Variants in RBM44 observed in about 807,000 individuals in gnomAD.
RBM44 encodes RNA binding motif protein 44.
In RBM44, 66 loss-of-function variants were observed where a neutral mutation model predicts 105.1. The ratio of observed to expected loss-of-function variants is 0.63; its 90% CI spans 0.52 to 0.77. The LOEUF (loss-of-function observed/expected upper bound fraction) is 0.77, where lower values mean the gene tolerates loss of function less well. RBM44 is among the 30% of genes least tolerant of loss of function. The pLI is 0.00. For missense variants in RBM44, 1,122 were observed against 1,207.8 expected (o/e 0.93, Z 1.05); for synonymous variants, 365 against 417.6 (o/e 0.87, Z 1.54).
Position 237,842,760 on chromosome 2 carries a change from G to A in RBM44, c.*944G>A, listed in dbSNP as rs912559594. The stretch of plus-strand genomic sequence containing the variant: ...CTTGACTAAAAATTAGCCCTTTAAC[G>A]TTTATATTTGTTGTATTTATATTTA... On this transcript the variant is annotated 3_prime_UTR_variant, in exon 16 of 16. Coordinates refer to ENST00000316997, the MANE Select transcript of RBM44 (RefSeq NM_001080504.3). 5.3e-5 allele frequency: 8 copies of A among 151,862 alleles called. No homozygotes were observed. The highest frequency in any genetic ancestry group is 9.7e-5 in the African/African-American group (4 of 41,378). The allele number at this position is 151,862 out of a possible 1,614,324, so 9.4% of individuals were successfully genotyped here. A position where few individuals can be genotyped will look rare whatever the true frequency, so the allele number is the denominator to read the frequency against.
In RBM44 at chr2:237,818,004, C is replaced by T. The variant is rs201162171; in HGVS notation, c.1085C>T (p.Pro362Leu). Reference sequence around the variant, plus strand: ...CACCTTGAAAATCCTAGCACATTACCACAGGATAAAGCTTTAGAGACATTA... The same window carrying T: ...CACCTTGAAAATCCTAGCACATTACTACAGGATAAAGCTTTAGAGACATTA... Reference protein sequence around the residue: ...LLHLENPSTLPQDKALETLLQ... With the variant: ...LLHLENPSTLLQDKALETLLQ... Residue 362 changes from proline (P) to leucine (L), a missense_variant, in exon 3 of 16, where the codon CCA becomes CTA. By Grantham distance (98) the Pro-to-Leu change is moderately conservative (BLOSUM62 -3). Transcript: ENST00000316997. This position sits in a 1 kb window ranked among gnomAD's most constrained non-coding sequence, Gnocchi z 4.6. 8 of 1,612,694 alleles carry T rather than the reference C, an allele frequency of 5.0e-6. No homozygotes were observed. The highest frequency in any genetic ancestry group is 6.8e-6 in the Non-Finnish European group (8 of 1,179,184).
At chr2:237,825,740 GT>G (rs1398805064) in intron 10 of RBM44, among the ~76,000 whole-genome samples, 2 of 152,162 alleles carry the variant, frequency 1.3e-5, no homozygotes, top group Admixed American at 1.3e-4. Flanking sequence ...GTAGTGAAAG[GT>G]GAGGTGATGG....
chr2:237,811,693 A>T (rs1421910707), intron 1 of RBM44, among the ~76,000 whole-genome samples: 1 of 151,848 alleles, frequency 6.6e-6, no homozygotes, highest in Non-Finnish European at 1.5e-5. Context: ...AAAAAAAAAA[A>T]CTTTTCCTAG....
intron 1 of RBM44, among the ~76,000 whole-genome samples, chr2:237,800,735 T>G (rs543534293): frequency 1.1e-4 from 17 of 151,840 alleles, no homozygotes; most frequent in African/African-American, 4.1e-4. Flanking sequence ...TCCTTTTTTT[T>G]TTTTTTTTGA....
At position 237,818,183 on chromosome 2, in the gene RBM44, C is replaced by A; in HGVS notation, c.1264C>A (p.Gln422Lys). 6.2e-7 allele frequency: 1 copy of A among 1,613,096 alleles called. No individual in the cohort carries two copies. Among genetic ancestry groups the A allele is most frequent in the South Asian group, 1.1e-5 (1 of 91,038 alleles). Residue 422 changes from glutamine (Q) to lysine (K), a missense_variant, in exon 3 of 16, where the codon CAG becomes AAG. By Grantham distance (53) the Gln-to-Lys change is moderately conservative (BLOSUM62 1). Around this residue, in one of 3 missense-constraint regions of RBM44, gnomAD observed 918 missense variants for 955.3 expected, o/e 0.96. Coordinates refer to ENST00000316997, the MANE Select transcript of RBM44 (RefSeq NM_001080504.3). This position sits in a 1 kb window ranked among gnomAD's most constrained non-coding sequence, Gnocchi z 4.6. ...MLPKIAVRDN[Q>K]AIEDNTSLKV... Reference sequence around the variant, plus strand: ...ACCAAAGATCGCAGTCAGAGATAATCAGGCAATAGAAGATAATACGTCCCT... The same window carrying A: ...ACCAAAGATCGCAGTCAGAGATAATAAGGCAATAGAAGATAATACGTCCCT...
At chr2:237,829,125 G>A in intron 12 of RBM44, 92 bp from the exon 13 acceptor site, 1 of 890,866 alleles carries the variant, frequency 1.1e-6, no homozygotes, top group Non-Finnish European at 1.7e-6. Context: ...TTACTCTTGT[G>A]AAAAACGTAT....
At chr2:237,837,711 T>G (rs533874040) in intron 15 of RBM44, among the ~76,000 whole-genome samples, 50 of 143,996 alleles carry the variant, frequency 3.5e-4, no homozygotes, top group African/African-American at 1.2e-3. Context: ...GATCTTGTTA[T>G]TTTTCCCAGG....
At chr2:237,806,131 A>C (rs1418461752) in intron 1 of RBM44, among the ~76,000 whole-genome samples, 1 of 152,302 alleles carries the variant, frequency 6.6e-6, no homozygotes, top group East Asian at 1.9e-4. Flanking sequence ...AAGTTTGTCC[A>C]CCTGAGTTGT....
chr2:237,832,650 T>C (rs2061915205), intron 13 of RBM44, among the ~76,000 whole-genome samples: 1 of 152,208 alleles, frequency 6.6e-6, no homozygotes, highest in Non-Finnish European at 1.5e-5. Context: ...CCATCTTTGT[T>C]AAACTATACT....
chr2:237,823,478 C>T lies in RBM44; in HGVS notation c.2244C>T (p.Asn748=), dbSNP rs888019514. The change falls in exon 9 of 16, where the codon AAC becomes AAT. Residue 748 remains asparagine (N), a synonymous_variant. Transcript: ENST00000316997. ...CTGACAATAGTCATGCTACACAAAA[C>T]ATATCACCCAAGAAAGATGACTTTA... The part of the protein sequence containing the change: ...LSSDNSHATQ[N]ISPKKDDFKN... The T allele has an allele frequency of 2.9e-5, 45 of 1,537,316 alleles. No homozygotes were observed. Among genetic ancestry groups the T allele is most frequent in the Non-Finnish European group, 3.9e-5 (44 of 1,133,142 alleles).
Position 237,818,328 on chromosome 2 carries a change from T to C in RBM44, c.1409T>C (p.Val470Ala). ...CTVTINQTVD[V>A]STDFRACFTT... Reference sequence around the variant, plus strand: ...GTCACAATTAATCAGACAGTGGACGTTAGCACTGATTTTAGGGCTTGTTTC... The same window carrying C: ...GTCACAATTAATCAGACAGTGGACGCTAGCACTGATTTTAGGGCTTGTTTC... Residue 470 changes from valine to alanine, a missense_variant, in exon 3 of 16, where the codon GTT becomes GCT. Physicochemically the swap from Val to Ala is moderately conservative, Grantham distance 64. Coordinates refer to ENST00000316997, the MANE Select transcript of RBM44 (RefSeq NM_001080504.3). This position sits in a 1 kb window ranked among gnomAD's most constrained non-coding sequence, Gnocchi z 4.6. The C allele has an allele frequency of 3.1e-6, 5 of 1,613,338 alleles. No individual in the cohort carries two copies. Among genetic ancestry groups the C allele is most frequent in the Non-Finnish European group, 4.2e-6 (5 of 1,179,562 alleles).
intron 15 of RBM44, among the ~76,000 whole-genome samples, chr2:237,840,964 G>A (rs563500111): frequency 6.6e-6 from 1 of 152,330 alleles, no homozygotes; most frequent in East Asian, 1.9e-4. Context: ...CCTATGCACT[G>A]TTGGTGGGAA....
Position 237,818,908 on chromosome 2 carries a change from T to C in RBM44, c.1685T>C (p.Leu562Pro). 2 of 1,462,258 alleles carry C rather than the reference T, an allele frequency of 1.4e-6. No homozygotes were observed. Among genetic ancestry groups the C allele is most frequent in the Non-Finnish European group, 1.9e-6 (2 of 1,074,296 alleles). The allele number at this position is 1,462,258 out of a possible 1,614,324, so 90.6% of individuals were successfully genotyped here. Residue 562 changes from leucine (L) to proline (P), a missense_variant, in exon 4 of 16, where the codon CTG becomes CCG. This residue lies in a region of RBM44 where 918 missense variants were observed against 955.3 expected (regional missense o/e 0.96). Coordinates refer to ENST00000316997, the MANE Select transcript of RBM44 (RefSeq NM_001080504.3). This position sits in a 1 kb window ranked among gnomAD's most constrained non-coding sequence, Gnocchi z 4.6. ...TTTAAATCATATTTTCAGGATTTCC[T>C]GGAATTAAGAAAAGCATGTGGTATC... ...PNGNFLNKDF[L>P]ELRKACGITD...
At chr2:237,807,465 T>A (rs1260869270) in intron 1 of RBM44, among the ~76,000 whole-genome samples, 2 of 152,204 alleles carry the variant, frequency 1.3e-5, no homozygotes, top group Non-Finnish European at 2.9e-5. Flanking sequence ...AAATATTTTT[T>A]AAAATCTTCT....
intron 13 of RBM44, among the ~76,000 whole-genome samples, chr2:237,831,824 C>G (rs936660107): frequency 6.6e-6 from 1 of 152,018 alleles, no homozygotes; most frequent in Admixed American, 6.6e-5. Flanking sequence ...TCTCAGTGAC[C>G]CTTCATGTGT....
chr2:237,800,608 G>A (rs1056237917), intron 1 of RBM44, among the ~76,000 whole-genome samples: 5 of 151,916 alleles, frequency 3.3e-5, no homozygotes, highest in Non-Finnish European at 5.9e-5. Context: ...CTTAAGTAAC[G>A]AATGTATTTT....
chr2:237,820,279 A>G lies in RBM44; in HGVS notation c.1841A>G (p.His614Arg). 1 of 1,604,562 alleles carries G rather than the reference A, an allele frequency of 6.2e-7. No individual in the cohort carries two copies. Among genetic ancestry groups the G allele is most frequent in the South Asian group, 1.1e-5 (1 of 89,554 alleles). ...GCAGAGCTGCACCTTTTAAATGTTC[A>G]CTATCAGATGTGTCGTCGCCATTGT... is the stretch of plus-strand genomic sequence containing the variant. ...IKAELHLLNV[H>R]YQMCRRHCCD... is the part of the protein sequence containing the mutation. Residue 614 changes from histidine (H) to arginine (R), a missense_variant, in exon 5 of 16, where the codon CAC (histidine) becomes CGC (arginine). By Grantham distance (29) the His-to-Arg change is conservative. This residue lies in a region of RBM44 where 918 missense variants were observed against 955.3 expected (regional missense o/e 0.96). Coordinates refer to ENST00000316997, the MANE Select transcript of RBM44 (RefSeq NM_001080504.3).
rs745899323 is a variant in RBM44 at position 237,817,724 on chromosome 2, A to T, written c.805A>T (p.Met269Leu). The T allele has an allele frequency of 6.2e-7, 1 of 1,612,532 alleles. No homozygotes were observed. Among genetic ancestry groups the T allele is most frequent in the East Asian group, 2.2e-5 (1 of 44,810 alleles). The change falls in exon 3 of 16, where the codon ATG (methionine) becomes TTG (leucine). Residue 269 changes from methionine to leucine, a missense_variant. Met to Leu is a conservative substitution (Grantham distance 15). This residue lies in a region of RBM44 where 918 missense variants were observed against 955.3 expected (regional missense o/e 0.96). Transcript: ENST00000316997. ...TGTCTCCAAATTTCAGAATTCTGTT[A>T]TGTTAAGAGAATATCATGACCTAAA... The part of the protein sequence containing the change: ...LHVSKFQNSV[M>L]LREYHDLKHE...
In RBM44 at chr2:237,803,525, A is replaced by G. The variant is rs1340761746; in HGVS notation, c.-19+4664A>G. On this transcript the variant is annotated intron_variant, in intron 1 of 15. Coordinates refer to ENST00000316997, the MANE Select transcript of RBM44 (RefSeq NM_001080504.3). This position sits in a 1 kb window ranked among gnomAD's most constrained non-coding sequence, Gnocchi z 4.2. ...ACAAGTTATTTATGTAATCTGAATA[A>G]GCGTCTCCTTTTGGATATATGGATT... 6.6e-6 allele frequency among the ~76,000 whole-genome samples: 1 copy of G among 152,228 alleles called. No homozygotes were observed. The highest frequency in any genetic ancestry group is 1.5e-5 in the Non-Finnish European group (1 of 68,052).
Sources: allele counts gnomAD v4.1 joint callset (sites outside exome capture counted in the v4.1 genomes callset), GRCh38; gene constraint gnomAD v4.1.1; regional missense constraint gnomAD v4.1.1; non-coding constraint Gnocchi (gnomAD v3.1); transcripts MANE v1.5; gene names NCBI Gene and HGNC (gene_info 2026-07-23, HGNC 2026-07-21).